BACH2: variants seen among roughly 807,000 people sequenced by gnomAD.
BACH2 encodes transcription regulator protein BACH2.
A neutral mutation model predicts 61.8 loss-of-function variants in BACH2; 5 were observed. The ratio of observed to expected loss-of-function variants is 0.08; its 90% CI spans 0.04 to 0.17. The LOEUF (loss-of-function observed/expected upper bound fraction) is 0.17. Among genes scored for constraint, BACH2 ranks in the 10% least tolerant of loss-of-function variants. The probability of loss-of-function intolerance (pLI) is 1.00; values close to 1 mark genes in which losing one functional copy is unlikely to be tolerated. For synonymous variants in BACH2, 446 were observed against 440.1 expected (o/e 1.01, Z -0.17); for missense variants, 824 against 1,091.1 (o/e 0.76, Z 3.45).
intron 2 of BACH2, among the ~76,000 whole-genome samples, chr6:90,260,270 C>T (rs896331288): frequency 6.6e-6 from 1 of 152,156 alleles, no homozygotes; most frequent in African/African-American, 2.4e-5. Context: ...TGTCTCAAGG[C>T]ATTTTTTAAA....
intron 7 of BACH2, among the ~76,000 whole-genome samples, chr6:89,947,716 C>T (rs1467631497): frequency 6.6e-6 from 1 of 152,006 alleles, no homozygotes; most frequent in African/African-American, 2.4e-5. Flanking sequence ...CAGGCGCCCA[C>T]CACGACGCCC....
intron 1 of BACH2, among the ~76,000 whole-genome samples, chr6:90,284,025 A>C (rs1771940338): frequency 6.6e-6 from 1 of 151,960 alleles, no homozygotes; most frequent in African/African-American, 2.4e-5. Flanking sequence ...TAAATAAATA[A>C]ATAAATAAAT....
intron 5 of BACH2, among the ~76,000 whole-genome samples, chr6:90,073,489 T>C (rs1215195664): frequency 6.6e-6 from 1 of 152,246 alleles, no homozygotes; most frequent in Non-Finnish European, 1.5e-5. Context: ...AAGGATGCTG[T>C]ACATATCCAT....
In BACH2 at chr6:90,275,438, A is replaced by C. The variant is rs1771659071; in HGVS notation, c.-445-3497T>G. ...GGAATAAGCTCAAATCCTAACCAAA[A>C]TTTGTTTTTACTTTTAAAATACAAC... On this transcript the variant is annotated intron_variant, in intron 1 of 8. Transcript: ENST00000257749. Among the ~76,000 whole-genome samples the C allele has an allele frequency of 6.0e-5, 9 of 149,516 alleles. No individual in the cohort carries two copies. In the Admixed American group the frequency reaches 6.0e-4, roughly 10 times the overall value.
chr6:90,058,057 T>A (rs1172737792), intron 5 of BACH2, among the ~76,000 whole-genome samples: 1 of 152,178 alleles, frequency 6.6e-6, no homozygotes, highest in South Asian at 2.1e-4. Context: ...CTTTGAAAAC[T>A]GGCACAAGAC....
intron 1 of BACH2, among the ~76,000 whole-genome samples, 190 bp downstream of exon 1, chr6:90,296,290 C>G (rs1562548793): frequency 2.0e-5 from 3 of 151,824 alleles, no homozygotes; most frequent in South Asian, 4.1e-4. Flanking sequence ...CCACCCCCTT[C>G]CCGTTCCTAG....
chr6:90,202,995 C>T (rs1428999313), intron 4 of BACH2, among the ~76,000 whole-genome samples: 1 of 152,094 alleles, frequency 6.6e-6, no homozygotes, highest in Non-Finnish European at 1.5e-5. Flanking sequence ...GCAGCAGTAA[C>T]ACAGATAAAC....
At position 90,034,047 on chromosome 6, in the gene BACH2, TA is replaced by T. The variant is rs777259798; in HGVS notation, c.-12-25192del. Among the ~76,000 whole-genome samples, 11 of 152,290 alleles carry T rather than the reference TA, an allele frequency of 7.2e-5. 1 individual carries two copies. The highest frequency in any genetic ancestry group is 3.4e-3 in the Middle Eastern group (1 of 294). On this transcript the variant is annotated intron_variant, in intron 5 of 8. Coordinates refer to ENST00000257749, the MANE Select transcript of BACH2 (RefSeq NM_021813.4). ...AGAAGATTAGACCACACTGTGTCTA[TA>T]AAGTTGTGCTACACCCTGGGTTACC...
At chr6:90,042,254 G>A (rs559441936) in intron 5 of BACH2, among the ~76,000 whole-genome samples, 31 of 152,178 alleles carry the variant, frequency 2.0e-4, no homozygotes, top group African/African-American at 6.0e-4. Context: ...GTGCAGTGGC[G>A]CAATCATGGG....
At chr6:90,126,320 C>T (rs1783849004) in intron 4 of BACH2, among the ~76,000 whole-genome samples, 1 of 152,130 alleles carries the variant, frequency 6.6e-6, no homozygotes. Flanking sequence ...GACTCGGGAA[C>T]ACATCTCAAA....
intron 1 of BACH2, among the ~76,000 whole-genome samples, chr6:90,275,245 T>A (rs886483766): frequency 4.6e-5 from 7 of 152,210 alleles, no homozygotes; most frequent in African/African-American, 1.7e-4. Flanking sequence ...CTTGAACAAT[T>A]TTTATCATCA....
intron 5 of BACH2, among the ~76,000 whole-genome samples, chr6:90,017,554 G>T (rs759578930): frequency 2.0e-5 from 3 of 152,024 alleles, no homozygotes; most frequent in Admixed American, 6.6e-5. Flanking sequence ...AACCCTTCGA[G>T]TTCACTAATC....
chr6:89,983,665 G>A (rs1376639414), intron 6 of BACH2, among the ~76,000 whole-genome samples: 4 of 152,108 alleles, frequency 2.6e-5, no homozygotes, highest in Non-Finnish European at 4.4e-5. Flanking sequence ...GTGAAACTCC[G>A]TCCAAAAAAT....
chr6:90,230,490 C>A (rs206912), intron 3 of BACH2, among the ~76,000 whole-genome samples: 147,598 of 152,344 alleles, frequency 0.97, 71,533 homozygotes, highest in East Asian at 1. Context: ...CAGTACTGGT[C>A]GTAGGACAAC....
chr6:90,203,971 A>G (rs1310679396), intron 4 of BACH2, among the ~76,000 whole-genome samples: 2 of 152,190 alleles, frequency 1.3e-5, no homozygotes, highest in Non-Finnish European at 1.5e-5. Flanking sequence ...CTGTTAAATT[A>G]GTGCGGCCAA....
At chr6:90,286,614 T>G (rs1274433857) in intron 1 of BACH2, among the ~76,000 whole-genome samples, 3 of 152,180 alleles carry the variant, frequency 2.0e-5, no homozygotes, top group Non-Finnish European at 2.9e-5. Context: ...TTAACTGTGT[T>G]TGAGGAAATG....
At chr6:90,092,821 G>A (rs1782228885) in intron 4 of BACH2, among the ~76,000 whole-genome samples, 1 of 152,158 alleles carries the variant, frequency 6.6e-6, no homozygotes, top group African/African-American at 2.4e-5. Context: ...CAAGGGGGTT[G>A]GATGAAATGA....
chr6:89,993,872 C>CT (rs1776712591), intron 6 of BACH2, among the ~76,000 whole-genome samples: 1 of 149,680 alleles, frequency 6.7e-6, no homozygotes, highest in Non-Finnish European at 1.5e-5. Flanking sequence ...TAAATGTCTT[C>CT]TTTTTTATAA....
intron 4 of BACH2, among the ~76,000 whole-genome samples, chr6:90,106,766 T>C (rs965885471): frequency 6.6e-6 from 1 of 152,164 alleles, no homozygotes; most frequent in African/African-American, 2.4e-5. Context: ...CAAGTCAATT[T>C]TGGAAAATTA....
Sources: gnomAD v4.1 joint callset for allele counts (sites outside exome capture counted in the v4.1 genomes callset) on GRCh38, gnomAD v4.1.1 for gene constraint, MANE v1.5 for transcripts, NCBI Gene and HGNC (gene_info 2026-07-23, HGNC 2026-07-21) for gene names.